The following TBC1D32 variants were observed in gnomAD, a reference collection of about 807,000 sequenced individuals.
TBC1D32 encodes the protein protein broad-minded.
A neutral mutation model predicts 170.3 loss-of-function variants in TBC1D32; 151 were observed. The observed-to-expected ratio is 0.89, with a 90% CI of 0.78 to 1.01. TBC1D32 has a LOEUF of 1.01. TBC1D32 is among the 50% of genes least tolerant of loss of function. The probability of loss-of-function intolerance (pLI) is 0.00; values close to 1 mark genes in which losing one functional copy is unlikely to be tolerated. For synonymous variants in TBC1D32, 498 were observed against 488.0 expected (o/e 1.02, Z -0.27); for missense variants, 1,464 against 1,457.1 (o/e 1.00, Z -0.08).
At chr6:121,263,953 T>C (rs117405028) in intron 15 of TBC1D32, among the ~76,000 whole-genome samples, 3,650 of 152,150 alleles carry the variant, frequency 0.024, 160 homozygotes, top group East Asian at 0.12. Context: ...AGGAGGGAAA[T>C]TGATAGCACT....
At chr6:121,145,639 T>C (rs1783331381) in intron 24 of TBC1D32, among the ~76,000 whole-genome samples, 1 of 152,206 alleles carries the variant, frequency 6.6e-6, no homozygotes. Context: ...CATGTGAGAT[T>C]ATGCATATGT....
intron 22 of TBC1D32, among the ~76,000 whole-genome samples, chr6:121,189,834 A>G (rs1265220815): frequency 6.6e-6 from 1 of 152,024 alleles, no homozygotes; most frequent in African/African-American, 2.4e-5. Context: ...TCCTGAAGAG[A>G]CTGCTAGGCC....
intron 24 of TBC1D32, among the ~76,000 whole-genome samples, chr6:121,158,575 A>G (rs1371123457): frequency 6.6e-6 from 1 of 151,866 alleles, no homozygotes; most frequent in African/African-American, 2.4e-5. Flanking sequence ...GTAAGAGGAC[A>G]CTCCAGCTTT....
chr6:121,308,073 C>T lies in TBC1D32; in HGVS notation c.593G>A (p.Cys198Tyr). ...EVRYEALQTL[C>Y]SAPPSDVLNC... ...GAGGACATCAGATGGAGGAGCTGAA[C>T]ATAATGTTTGCAAGGCTTCATATCT... Residue 198 changes from cysteine (C) to tyrosine (Y), a missense_variant, in exon 5 of 32, where the codon TGT (cysteine) becomes TAT (tyrosine). By Grantham distance (194) the Cys-to-Tyr change is radical. Transcript: ENST00000398212. 1 of 1,613,538 alleles carries T rather than the reference C, an allele frequency of 6.2e-7. No individual in the cohort carries two copies. The highest frequency in any genetic ancestry group is 8.5e-7 in the Non-Finnish European group (1 of 1,179,854).
intron 31 of TBC1D32, among the ~76,000 whole-genome samples, chr6:121,084,540 A>T (rs1055047795): frequency 6.6e-6 from 1 of 152,088 alleles, no homozygotes; most frequent in African/African-American, 2.4e-5. Flanking sequence ...CCTTGCCAGG[A>T]ATATAAGGGA....
intron 12 of TBC1D32, among the ~76,000 whole-genome samples, chr6:121,291,809 A>G (rs981914620): frequency 6.6e-6 from 1 of 152,128 alleles, no homozygotes; most frequent in African/African-American, 2.4e-5. Flanking sequence ...TTCTAGCTCT[A>G]AATCTATATC....
chr6:121,283,130 CA>C lies in TBC1D32; in HGVS notation c.1465+687del, dbSNP rs1803272840. 2.0e-5 allele frequency among the ~76,000 whole-genome samples: 3 copies of C among 151,688 alleles called. No homozygotes were observed. In the South Asian group the frequency reaches 6.2e-4, roughly 31 times the overall value. On this transcript the variant is annotated intron_variant, in intron 13 of 31. Transcript: ENST00000398212. ...TATGTTATAGCACTAATATACATCC[CA>C]AACCATTTTTTTCTTTGATTCACTT...
chr6:121,173,693 C>G (rs1177611298), intron 22 of TBC1D32, among the ~76,000 whole-genome samples: 1 of 151,936 alleles, frequency 6.6e-6, no homozygotes, highest in African/African-American at 2.4e-5. Flanking sequence ...CTGTCTACCT[C>G]CATATCAAGA....
chr6:121,295,256 T>C (rs1431762831), intron 10 of TBC1D32, among the ~76,000 whole-genome samples: 3 of 137,860 alleles, frequency 2.2e-5, no homozygotes, highest in Non-Finnish European at 4.6e-5. Context: ...CCTCAGCACC[T>C]GCCTACCCAT....
Position 121,195,750 on chromosome 6 carries a change from T to C in TBC1D32, c.2570+9325A>G, listed in dbSNP as rs912046275. 3.9e-5 allele frequency among the ~76,000 whole-genome samples: 6 copies of C among 152,288 alleles called. No individual in the cohort carries two copies. The South Asian group carries it at 1.2e-3, about 32-fold the overall frequency. On this transcript the variant is annotated intron_variant, in intron 22 of 31. Coordinates refer to ENST00000398212, the MANE Select transcript of TBC1D32 (RefSeq NM_152730.6). ...GGAAGACTAGGGCCTGGTTCACAGA[T>C]GGTTCTGCACGATATGCAGGCACCA...
intron 24 of TBC1D32, among the ~76,000 whole-genome samples, chr6:121,138,391 G>C (rs1782376748): frequency 2.0e-5 from 3 of 152,142 alleles, no homozygotes; most frequent in Non-Finnish European, 2.9e-5. Flanking sequence ...TACTGCACCT[G>C]CACTAGTAGA....
At position 121,293,897 on chromosome 6, in the gene TBC1D32, C is replaced by T. The variant is rs145950490; in HGVS notation, c.1231+673G>A. On this transcript the variant is annotated intron_variant, in intron 11 of 31. Transcript: ENST00000398212. Reference sequence around the variant, plus strand: ...CTGCATTCCAGCCTGGGTGATACAGCGAGACTCTGTCTAAAAAAATAAATA... The same window carrying T: ...CTGCATTCCAGCCTGGGTGATACAGTGAGACTCTGTCTAAAAAAATAAATA... Among the ~76,000 whole-genome samples the T allele has an allele frequency of 9.3e-4, 141 of 151,946 alleles. 1 individual carries two copies. The highest frequency in any genetic ancestry group is 3.0e-3 in the African/African-American group (125 of 41,426).
chr6:121,105,633 G>C (rs144405716), intron 30 of TBC1D32, among the ~76,000 whole-genome samples: 1 of 152,006 alleles, frequency 6.6e-6, no homozygotes, highest in African/African-American at 2.4e-5. Context: ...TAGAAACCAA[G>C]CTGAGGCATA....
chr6:121,202,488 G>T (rs555026443), intron 22 of TBC1D32, among the ~76,000 whole-genome samples: 67 of 151,340 alleles, frequency 4.4e-4, no homozygotes, highest in Non-Finnish European at 7.4e-4. Context: ...TGAGCAGGAT[G>T]AATAGTTCTG....
At chr6:121,184,694 AG>A (rs989159755) in intron 22 of TBC1D32, among the ~76,000 whole-genome samples, 5 of 151,846 alleles carry the variant, frequency 3.3e-5, no homozygotes, top group African/African-American at 1.2e-4. Context: ...TGGATAGTAC[AG>A]GAACTTCTGA....
At chr6:121,214,536 G>T (rs1213724138) in intron 21 of TBC1D32, among the ~76,000 whole-genome samples, 1 of 152,186 alleles carries the variant, frequency 6.6e-6, no homozygotes, top group Non-Finnish European at 1.5e-5. Flanking sequence ...CTCCCTGTGA[G>T]GCTGCACCTA....
At chr6:121,305,201 A>G (rs1327760283) in intron 5 of TBC1D32, among the ~76,000 whole-genome samples, 1 of 152,060 alleles carries the variant, frequency 6.6e-6, no homozygotes. Context: ...CAAATCGAAA[A>G]TTCATCATTT....
chr6:121,244,587 T>C (rs1797380228), intron 17 of TBC1D32, among the ~76,000 whole-genome samples: 1 of 152,152 alleles, frequency 6.6e-6, no homozygotes, highest in South Asian at 2.1e-4. Flanking sequence ...CTACTATGAT[T>C]TGTCACTTTT....
At position 121,196,744 on chromosome 6, in the gene TBC1D32, T is replaced by C. The variant is rs566490931; in HGVS notation, c.2570+8331A>G. ...TGGCCTTTTGAAGTCACAAATACAATGTCAACTAGGTAACAATACTTTGCA... is the reference window on the plus strand; with the variant it reads ...TGGCCTTTTGAAGTCACAAATACAACGTCAACTAGGTAACAATACTTTGCA... On this transcript the variant is annotated intron_variant, in intron 22 of 31. Transcript: ENST00000398212. 1.2e-4 allele frequency among the ~76,000 whole-genome samples: 18 copies of C among 152,254 alleles called. No individual in the cohort carries two copies. In the South Asian group the frequency reaches 3.5e-3, roughly 30 times the overall value.
Sources: allele counts gnomAD v4.1 joint callset (sites outside exome capture counted in the v4.1 genomes callset), GRCh38; gene constraint gnomAD v4.1.1; transcripts MANE v1.5; gene names NCBI Gene and HGNC (gene_info 2026-07-23, HGNC 2026-07-21).